Variants in PLN observed in about 807,000 individuals in gnomAD.
The protein encoded by PLN is cardiac phospholamban.
In PLN, 1 loss-of-function variant was observed where a neutral mutation model predicts 3.9. That is an observed-to-expected ratio of 0.26 (90% CI 0.09 to 1.23). The LOEUF (loss-of-function observed/expected upper bound fraction) is 1.23. Ranked by LOEUF, PLN falls within the 50% of genes most tolerant of loss-of-function variation. PLN has a pLI of 0.48. For missense variants in PLN, 59 were observed against 62.7 expected (o/e 0.94, Z 0.20); for synonymous variants, 21 against 20.5 (o/e 1.02, Z -0.07).
chr6:118,558,307 G>A (rs917995286), intron 1 of PLN, among the ~76,000 whole-genome samples: 8 of 152,070 alleles, frequency 5.3e-5, no homozygotes, highest in African/African-American at 1.7e-4. Flanking sequence ...TTCTCTCAAC[G>A]TTTAATATTA....
chr6:118,555,752 C>A (rs1282136046), intron 1 of PLN, among the ~76,000 whole-genome samples: 2 of 151,974 alleles, frequency 1.3e-5, no homozygotes, highest in African/African-American at 4.8e-5. Context: ...CTTCATCATC[C>A]CGTTATTAAG....
intron 1 of PLN, among the ~76,000 whole-genome samples, chr6:118,556,012 T>C (rs1379093497): frequency 6.6e-6 from 1 of 152,234 alleles, no homozygotes; most frequent in Non-Finnish European, 1.5e-5. Flanking sequence ...TAGTATTGCA[T>C]GGTGTATATG....
intron 1 of PLN, among the ~76,000 whole-genome samples, chr6:118,555,304 TG>T (rs1778789376): frequency 1.3e-5 from 2 of 151,830 alleles, no homozygotes; most frequent in Non-Finnish European, 2.9e-5. Context: ...GGCGGGCACC[TG>T]TAGTCCCAGC....
rs1483282158 is a variant in PLN, at chr6:118,561,542, A to G, written c.*2462A>G. 1.3e-5 allele frequency among the ~76,000 whole-genome samples: 2 copies of G among 152,132 alleles called. No homozygotes were observed. Among genetic ancestry groups the G allele is most frequent in the African/African-American group, 4.8e-5 (2 of 41,450 alleles). On this transcript the variant is annotated 3_prime_UTR_variant, in exon 2 of 2. Transcript: ENST00000357525. ...ACAATTTATTTTTAAAATTTAATAT[A>G]CTAAATGCTCAAATATGTTCTACTA...
chr6:118,554,115 C>G (rs1051883228), intron 1 of PLN, among the ~76,000 whole-genome samples: 1 of 152,094 alleles, frequency 6.6e-6, no homozygotes, highest in Admixed American at 6.5e-5. Flanking sequence ...CAGTGAAACC[C>G]TGTCCCTACC....
chr6:118,555,794 C>T (rs1403474510), intron 1 of PLN, among the ~76,000 whole-genome samples: 1 of 151,958 alleles, frequency 6.6e-6, no homozygotes, highest in Non-Finnish European at 1.5e-5. Context: ...GCTCCTCTGC[C>T]TCCTCCCATC....
chr6:118,550,853 T>C (rs915320153), intron 1 of PLN, among the ~76,000 whole-genome samples: 2 of 151,938 alleles, frequency 1.3e-5, no homozygotes, highest in Non-Finnish European at 2.9e-5. Context: ...AATTTATGCA[T>C]AGCATTACAT....
At chr6:118,555,735 T>C (rs1224142524) in intron 1 of PLN, among the ~76,000 whole-genome samples, 1 of 152,152 alleles carries the variant, frequency 6.6e-6, no homozygotes, top group Non-Finnish European at 1.5e-5. Context: ...GCTTGTTGTA[T>C]GTATTACTTC....
At chr6:118,556,324 G>A (rs918185076) in intron 1 of PLN, among the ~76,000 whole-genome samples, 4 of 152,130 alleles carry the variant, frequency 2.6e-5, no homozygotes, top group African/African-American at 7.2e-5. Context: ...AACTCTTTAA[G>A]GAAAGAAAAT....
At chr6:118,557,316 C>T (rs1229485812) in intron 1 of PLN, among the ~76,000 whole-genome samples, 1 of 152,068 alleles carries the variant, frequency 6.6e-6, no homozygotes, top group Non-Finnish European at 1.5e-5. Flanking sequence ...CTGATCAAAC[C>T]AATTACATCT....
At chr6:118,551,500 T>C (rs1778543153) in intron 1 of PLN, among the ~76,000 whole-genome samples, 1 of 151,954 alleles carries the variant, frequency 6.6e-6, no homozygotes, top group Non-Finnish European at 1.5e-5. Context: ...ATTTTACTTG[T>C]AAATACACTT....
chr6:118,552,757 T>G (rs1778625817), intron 1 of PLN, among the ~76,000 whole-genome samples: 2 of 152,148 alleles, frequency 1.3e-5, no homozygotes, highest in African/African-American at 4.8e-5. Flanking sequence ...TTCTTTATTT[T>G]TATTCTTCTC....
intron 1 of PLN, among the ~76,000 whole-genome samples, chr6:118,554,242 G>A (rs1401549468): frequency 6.6e-6 from 1 of 152,086 alleles, no homozygotes; most frequent in African/African-American, 2.4e-5. Context: ...AGCCACGATT[G>A]CACAACTGCA....
In PLN at chr6:118,561,005, A is replaced by G. The variant is rs1779191654; in HGVS notation, c.*1925A>G. ...CATGGTTACTAAAAGAATATGTAAC[A>G]TCAATATTGACCTTGGTTTCTTACA... is the stretch of plus-strand genomic sequence containing the variant. On this transcript the variant is annotated 3_prime_UTR_variant, in exon 2 of 2. Coordinates refer to ENST00000357525, the MANE Select transcript of PLN (RefSeq NM_002667.5). Among the ~76,000 whole-genome samples, 2 of 152,234 alleles carry G rather than the reference A, an allele frequency of 1.3e-5. No individual in the cohort carries two copies. Among genetic ancestry groups the G allele is most frequent in the Admixed American group, 1.3e-4 (2 of 15,286 alleles).
intron 1 of PLN, among the ~76,000 whole-genome samples, chr6:118,549,194 T>C (rs1389405184): frequency 6.6e-6 from 1 of 151,986 alleles, no homozygotes; most frequent in Non-Finnish European, 1.5e-5. Context: ...CACACAAATT[T>C]GATTAAATGG....
intron 1 of PLN, among the ~76,000 whole-genome samples, chr6:118,555,476 A>G (rs2114950833): frequency 6.6e-6 from 1 of 151,644 alleles, no homozygotes; most frequent in Admixed American, 6.6e-5. Flanking sequence ...ATCTTCCCAT[A>G]ATTTTCCAAT....
chr6:118,557,298 T>A (rs372374207), intron 1 of PLN, among the ~76,000 whole-genome samples: 19 of 152,318 alleles, frequency 1.2e-4, no homozygotes, highest in African/African-American at 4.6e-4. Context: ...GAGCTATTAA[T>A]ACAGTGACTG....
At chr6:118,552,006 T>G (rs1486894041) in intron 1 of PLN, among the ~76,000 whole-genome samples, 1 of 152,006 alleles carries the variant, frequency 6.6e-6, no homozygotes, top group African/African-American at 2.4e-5. Flanking sequence ...TGTCAGAAAG[T>G]AGTAGAAAAA....
chr6:118,557,725 A>G (rs1055553712), intron 1 of PLN, among the ~76,000 whole-genome samples: 2 of 152,198 alleles, frequency 1.3e-5, no homozygotes, highest in African/African-American at 4.8e-5. Context: ...GGATGAATAC[A>G]AATTATTATC....
Sources: gnomAD v4.1 joint callset for allele counts (sites outside exome capture counted in the v4.1 genomes callset) on GRCh38, gnomAD v4.1.1 for gene constraint, MANE v1.5 for transcripts, NCBI Gene and HGNC (gene_info 2026-07-23, HGNC 2026-07-21) for gene names.